The following KIFBP variants were observed in gnomAD, a reference collection of about 807,000 sequenced individuals.
KIFBP encodes the protein kinesin family binding protein.
KIFBP carries 46 observed loss-of-function variants against 58.9 expected under a neutral mutation model. The observed-to-expected ratio is 0.78, with a 90% CI of 0.62 to 1.00. The LOEUF (loss-of-function observed/expected upper bound fraction) is 1.00. Ranked by LOEUF, KIFBP falls within the 50% of genes least tolerant of loss-of-function variation. The pLI is 0.00. For missense variants in KIFBP, 651 were observed against 752.9 expected, an observed-to-expected ratio of 0.86 and a Z score of 1.58; for synonymous variants, 241 against 283.4, an observed-to-expected ratio of 0.85 and a Z score of 1.50.
In KIFBP at chr10:69,015,844, G is replaced by T. The variant is rs774066072; in HGVS notation, c.1294G>T (p.Val432Leu). The T allele has an allele frequency of 1.2e-6, 2 of 1,614,142 alleles. No individual in the cohort carries two copies. The highest frequency in any genetic ancestry group is 3.3e-5 in the Admixed American group (2 of 60,002). Residue 432 changes from valine to leucine, a missense_variant, in exon 7 of 7, where the codon GTG becomes TTG. Coordinates refer to ENST00000361983, the MANE Select transcript of KIFBP (RefSeq NM_015634.4). ...CCAAGACCACAGTGCTCTGTTTAAGGTGCTTGCATTCTTTGAAACTGACAT... is the reference window on the plus strand; with the variant it reads ...CCAAGACCACAGTGCTCTGTTTAAGTTGCTTGCATTCTTTGAAACTGACAT... ...VVQDHSALFK[V>L]LAFFETDMER...
At chr10:69,005,178 A>C (rs1328710287) in intron 3 of KIFBP, 53 bp downstream of exon 3, 3 of 1,306,650 alleles carry the variant, frequency 2.3e-6, no homozygotes, top group Non-Finnish European at 2.2e-6. Context: ...ATCATAGATT[A>C]GTGATTGTTC....
At chr10:68,996,578 C>CA (rs1843409711) in intron 1 of KIFBP, among the ~76,000 whole-genome samples, 1 of 137,184 alleles carries the variant, frequency 7.3e-6, no homozygotes, top group African/African-American at 2.8e-5. Flanking sequence ...ATAGGCTGGG[C>CA]ATGGTGGCTA....
intron 6 of KIFBP, among the ~76,000 whole-genome samples, chr10:69,014,723 C>CG (rs975696039): frequency 3.3e-4 from 48 of 143,730 alleles, no homozygotes; most frequent in African/African-American, 1.3e-3. Flanking sequence ...TTTGCCCCCC[C>CG]CCACCCCCAA....
At chr10:69,008,740 T>A in intron 4 of KIFBP, 101 bp from the exon 5 acceptor site, 2 of 928,166 alleles carry the variant, frequency 2.2e-6, no homozygotes. Context: ...TATTTTTATC[T>A]GATTTTATAC....
chr10:68,999,042 A>G (rs1033504313), intron 1 of KIFBP, among the ~76,000 whole-genome samples: 82 of 151,420 alleles, frequency 5.4e-4, no homozygotes, highest in Non-Finnish European at 8.8e-5. Context: ...CGGCCTCCCA[A>G]AGTGCTGGGA....
intron 5 of KIFBP, among the ~76,000 whole-genome samples, chr10:69,009,761 G>A (rs1371150475): frequency 1.3e-5 from 2 of 152,088 alleles, no homozygotes; most frequent in African/African-American, 4.8e-5. Flanking sequence ...TCATTTAACA[G>A]GTTTTTTAAT....
At chr10:69,012,591 G>A (rs1843607552) in intron 6 of KIFBP, among the ~76,000 whole-genome samples, 1 of 151,736 alleles carries the variant, frequency 6.6e-6, no homozygotes, top group Non-Finnish European at 1.5e-5. Context: ...TTCTCACACT[G>A]CTATAAAGAA....
intron 5 of KIFBP, among the ~76,000 whole-genome samples, chr10:69,010,069 T>C (rs1843575056): frequency 6.6e-6 from 1 of 152,208 alleles, no homozygotes. Context: ...ACTAAATTGC[T>C]GAGATATTAT....
intron 1 of KIFBP, among the ~76,000 whole-genome samples, chr10:68,998,090 T>C (rs1843426095): frequency 6.6e-6 from 1 of 152,132 alleles, no homozygotes; most frequent in Non-Finnish European, 1.5e-5. Flanking sequence ...TTTATAGCAA[T>C]ATGAGAATGG....
intron 1 of KIFBP, among the ~76,000 whole-genome samples, chr10:68,999,563 G>T (rs530060743): frequency 2.0e-5 from 3 of 152,148 alleles, no homozygotes; most frequent in South Asian, 2.1e-4. Context: ...GCTGGGGCTC[G>T]CAGTAATACT....
intron 1 of KIFBP, chr10:68,991,324 C>T (rs1352925129): frequency 4.1e-6 from 1 of 246,378 alleles, no homozygotes; most frequent in African/African-American, 2.3e-5. Context: ...TAAGTCAGGA[C>T]TATGTCAATG....
chr10:69,014,143 A>G (rs1263954741), intron 6 of KIFBP, among the ~76,000 whole-genome samples: 1 of 152,210 alleles, frequency 6.6e-6, no homozygotes, highest in Non-Finnish European at 1.5e-5. Context: ...ACATACATAA[A>G]TTTATTCAAT....
intron 1 of KIFBP, chr10:68,999,610 TACTC>T (rs1025814524): frequency 2.6e-5 from 4 of 152,098 alleles, no homozygotes; most frequent in Non-Finnish European, 5.9e-5. Context: ...ATTTCCAACT[TACTC>T]ACATGGTTGT....
chr10:69,010,090 A>C (rs1029869353), intron 5 of KIFBP, among the ~76,000 whole-genome samples: 2 of 152,200 alleles, frequency 1.3e-5, no homozygotes, highest in Non-Finnish European at 2.9e-5. Context: ...TTAATAATTC[A>C]CTTTATTTAA....
At chr10:68,997,277 G>A (rs540284866) in intron 1 of KIFBP, among the ~76,000 whole-genome samples, 5 of 152,236 alleles carry the variant, frequency 3.3e-5, no homozygotes, top group African/African-American at 1.2e-4. Context: ...AGACTTGAAG[G>A]GTGATATGGT....
At chr10:69,004,573 AC>A (rs1423219528) in intron 2 of KIFBP, among the ~76,000 whole-genome samples, 1 of 152,138 alleles carries the variant, frequency 6.6e-6, no homozygotes, top group Non-Finnish European at 1.5e-5. Context: ...TAAGAAAATT[AC>A]TTGTTGAGGC....
At chr10:69,003,202 G>A (rs1843490745) in intron 2 of KIFBP, among the ~76,000 whole-genome samples, 1 of 152,164 alleles carries the variant, frequency 6.6e-6, no homozygotes, top group Non-Finnish European at 1.5e-5. Flanking sequence ...TACGTATGAT[G>A]TGTGAAAGCC....
intron 1 of KIFBP, chr10:68,991,747 C>G (rs984360204): frequency 1.3e-5 from 2 of 154,998 alleles, no homozygotes; most frequent in Non-Finnish European, 2.9e-5. Flanking sequence ...GCCACACATC[C>G]CTTCTTGTAG....
intron 5 of KIFBP, among the ~76,000 whole-genome samples, chr10:69,010,410 T>C (rs1843578901): frequency 6.6e-6 from 1 of 152,190 alleles, no homozygotes; most frequent in East Asian, 1.9e-4. Context: ...CAAAGCTTTG[T>C]GTTGACAGCT....
Sources: allele counts gnomAD v4.1 joint callset (sites outside exome capture counted in the v4.1 genomes callset), GRCh38; gene constraint gnomAD v4.1.1; transcripts MANE v1.5; gene names NCBI Gene and HGNC (gene_info 2026-07-23, HGNC 2026-07-21).